FSTL5: variants seen among roughly 807,000 people sequenced by gnomAD.
FSTL5 encodes follistatin-related protein 5.
In FSTL5, 62 loss-of-function variants were observed where a neutral mutation model predicts 89.1. The observed-to-expected ratio is 0.70, with a 90% CI of 0.57 to 0.86. The LOEUF (loss-of-function observed/expected upper bound fraction) is 0.86, where lower values mean the gene tolerates loss of function less well. Among genes scored for constraint, FSTL5 ranks in the 40% least tolerant of loss-of-function variants. The pLI, the probability that FSTL5 is intolerant of heterozygous loss-of-function variation, is 0.00. For synonymous variants in FSTL5, 383 were observed against 346.2 expected (o/e 1.11, Z -1.18); for missense variants, 1,057 against 1,001.6 (o/e 1.06, Z -0.75).
At chr4:161,881,964 T>C (rs1393262061) in intron 4 of FSTL5, among the ~76,000 whole-genome samples, 1 of 152,112 alleles carries the variant, frequency 6.6e-6, no homozygotes, top group Non-Finnish European at 1.5e-5. Context: ...TCCAGTGGAT[T>C]TTATAAAATG....
chr4:161,992,933 T>TAC (rs1560957736), intron 3 of FSTL5, among the ~76,000 whole-genome samples: 3 of 15,626 alleles, frequency 1.9e-4, no homozygotes, highest in African/African-American at 2.2e-4. Flanking sequence ...TATGTGTGTA[T>TAC]ATATATATGT....
intron 1 of FSTL5, among the ~76,000 whole-genome samples, chr4:162,162,696 T>C (rs1733742512): frequency 6.6e-6 from 1 of 152,156 alleles, no homozygotes; most frequent in Non-Finnish European, 1.5e-5. Flanking sequence ...ACACTGCCAA[T>C]TGATAAAAGG....
At chr4:161,795,438 T>G (rs1383175258) in intron 4 of FSTL5, among the ~76,000 whole-genome samples, 1 of 152,106 alleles carries the variant, frequency 6.6e-6, no homozygotes, top group Non-Finnish European at 1.5e-5. Flanking sequence ...AACCCTACTG[T>G]TTTCCTGAGC....
intron 8 of FSTL5, among the ~76,000 whole-genome samples, chr4:161,551,738 C>G (rs187133765): frequency 6.6e-5 from 10 of 151,776 alleles, no homozygotes; most frequent in East Asian, 1.9e-4. Flanking sequence ...AATGGGGAAA[C>G]GATTCCCTAT....
At chr4:161,458,356 A>T (rs76413060) in intron 14 of FSTL5, among the ~76,000 whole-genome samples, 7,524 of 152,286 alleles carry the variant, frequency 0.049, 580 homozygotes, top group African/African-American at 0.17. Flanking sequence ...ATATAAAATG[A>T]TCCATCATTA....
At chr4:161,753,854 A>G (rs567466095) in intron 6 of FSTL5, among the ~76,000 whole-genome samples, 64 of 152,070 alleles carry the variant, frequency 4.2e-4, no homozygotes, top group Non-Finnish European at 5.7e-4. Flanking sequence ...CGTCCTGGCT[A>G]TCACGGTGAA....
chr4:161,623,256 C>G (rs1487695361), intron 7 of FSTL5, among the ~76,000 whole-genome samples: 1 of 151,782 alleles, frequency 6.6e-6, no homozygotes, highest in Non-Finnish European at 1.5e-5. Flanking sequence ...GAATTTTGTA[C>G]TGGATTTTCC....
intron 8 of FSTL5, among the ~76,000 whole-genome samples, chr4:161,582,352 A>G (rs1733465264): frequency 6.6e-6 from 1 of 152,202 alleles, no homozygotes; most frequent in African/African-American, 2.4e-5. Flanking sequence ...CCAGTTTTAG[A>G]GATTTGTTGA....
chr4:162,119,061 A>C (rs894635346), intron 1 of FSTL5, among the ~76,000 whole-genome samples: 10 of 152,096 alleles, frequency 6.6e-5, no homozygotes, highest in Non-Finnish European at 8.8e-5. Context: ...CTCTCTAAAA[A>C]ATATATTAAA....
chr4:161,519,888 G>A (rs1730966694), intron 10 of FSTL5, among the ~76,000 whole-genome samples: 1 of 152,038 alleles, frequency 6.6e-6, no homozygotes, highest in South Asian at 2.1e-4. Context: ...ATATACCATA[G>A]GGAGAAGACA....
intron 4 of FSTL5, among the ~76,000 whole-genome samples, chr4:161,867,340 G>A (rs1308433082): frequency 6.6e-6 from 1 of 151,850 alleles, no homozygotes; most frequent in Non-Finnish European, 1.5e-5. Flanking sequence ...TAATTTATCA[G>A]TATCTCAAAT....
intron 8 of FSTL5, among the ~76,000 whole-genome samples, chr4:161,547,172 G>C (rs1250270590): frequency 6.6e-6 from 1 of 152,026 alleles, no homozygotes. Flanking sequence ...ACGTGAGTGA[G>C]TAATCTTGGA....
chr4:161,730,995 C>T (rs937270997), intron 6 of FSTL5, among the ~76,000 whole-genome samples: 2 of 152,162 alleles, frequency 1.3e-5, no homozygotes, highest in Non-Finnish European at 2.9e-5. Context: ...TATAAATTAA[C>T]ATTTAAGATT....
intron 4 of FSTL5, among the ~76,000 whole-genome samples, chr4:161,810,442 A>G (rs1449337066): frequency 6.6e-6 from 1 of 152,180 alleles, no homozygotes; most frequent in Non-Finnish European, 1.5e-5. Flanking sequence ...TAATGTGTAT[A>G]TTCACTTTAA....
intron 2 of FSTL5, among the ~76,000 whole-genome samples, chr4:162,050,640 T>A (rs1309131141): frequency 6.6e-6 from 1 of 150,760 alleles, no homozygotes; most frequent in Admixed American, 6.6e-5. Flanking sequence ...AAGAAAATAA[T>A]TTTATGACTT....
At chr4:162,076,622 T>A (rs190641416) in intron 2 of FSTL5, among the ~76,000 whole-genome samples, 43 of 151,902 alleles carry the variant, frequency 2.8e-4, no homozygotes, top group Non-Finnish European at 5.5e-4. Flanking sequence ...AAGGCAAGAC[T>A]TCTGTGGATA....
At chr4:161,621,105 C>T (rs1248649045) in intron 7 of FSTL5, among the ~76,000 whole-genome samples, 1 of 152,116 alleles carries the variant, frequency 6.6e-6, no homozygotes, top group Non-Finnish European at 1.5e-5. Flanking sequence ...ATGGGACATT[C>T]ACAAGATGTA....
intron 1 of FSTL5, among the ~76,000 whole-genome samples, chr4:162,154,947 A>T (rs945364092): frequency 6.6e-6 from 1 of 152,160 alleles, no homozygotes; most frequent in African/African-American, 2.4e-5. Context: ...TGATAAATTT[A>T]GGGTTAGAAA....
intron 5 of FSTL5, among the ~76,000 whole-genome samples, chr4:161,759,733 T>C (rs899218141): frequency 6.6e-6 from 1 of 152,224 alleles, no homozygotes; most frequent in Admixed American, 6.5e-5. Flanking sequence ...GATGTTAAGA[T>C]AGGTAATTAC....
Sources: gnomAD v4.1 joint callset for allele counts (sites outside exome capture counted in the v4.1 genomes callset) on GRCh38, gnomAD v4.1.1 for gene constraint, MANE v1.5 for transcripts, NCBI Gene and HGNC (gene_info 2026-07-23, HGNC 2026-07-21) for gene names.